DAB1: variants seen among roughly 807,000 people sequenced by gnomAD.
The protein encoded by DAB1 is disabled homolog 1.
DAB1 carries 15 observed loss-of-function variants against 64.6 expected under a neutral mutation model. The ratio of observed to expected loss-of-function variants is 0.23; its 90% CI spans 0.16 to 0.36. The LOEUF (loss-of-function observed/expected upper bound fraction) is 0.36, where lower values mean the gene tolerates loss of function less well. Among genes scored for constraint, DAB1 ranks in the 10% least tolerant of loss-of-function variants. The pLI is 1.00. For synonymous variants in DAB1, 235 were observed against 251.9 expected (o/e 0.93, Z 0.64); for missense variants, 596 against 706.7 (o/e 0.84, Z 1.78).
chr1:57,996,029 C>T (rs567541146), intron 5 of DAB1, among the ~76,000 whole-genome samples: 1 of 152,204 alleles, frequency 6.6e-6, no homozygotes, highest in Non-Finnish European at 1.5e-5. Context: ...AAGACCGAGG[C>T]GGGCGGATCA....
intron 1 of DAB1, among the ~76,000 whole-genome samples, chr1:57,835,561 A>C (rs1652773720): frequency 6.6e-6 from 1 of 152,136 alleles, no homozygotes; most frequent in Non-Finnish European, 1.5e-5. Flanking sequence ...TCACCCAGCA[A>C]GTTGTTGGGA....
intron 2 of DAB1, among the ~76,000 whole-genome samples, chr1:57,264,637 T>C (rs956967528): frequency 2.0e-5 from 3 of 152,146 alleles, no homozygotes; most frequent in Non-Finnish European, 4.4e-5. Flanking sequence ...GTTGAACCCC[T>C]AGAGAATGAG....
At chr1:58,477,764 T>C (rs1645433346) in intron 3 of DAB1, among the ~76,000 whole-genome samples, 1 of 152,174 alleles carries the variant, frequency 6.6e-6, no homozygotes, top group African/African-American at 2.4e-5. Flanking sequence ...CATGATCCCC[T>C]GGATTAAACT....
At chr1:57,030,545 A>G (rs969902707) in intron 9 of DAB1, among the ~76,000 whole-genome samples, 1 of 152,214 alleles carries the variant, frequency 6.6e-6, no homozygotes, top group African/African-American at 2.4e-5. Context: ...TACCAACATG[A>G]AGGTGGGAGA....
At chr1:58,321,564 T>A (rs1301601166) in intron 4 of DAB1, among the ~76,000 whole-genome samples, 2 of 152,230 alleles carry the variant, frequency 1.3e-5, no homozygotes, top group Non-Finnish European at 2.9e-5. Context: ...GCCCAAATAC[T>A]GTGCTTTTCC....
intron 6 of DAB1, among the ~76,000 whole-genome samples, chr1:57,679,761 T>C (rs912646696): frequency 4.6e-5 from 7 of 152,190 alleles, no homozygotes; most frequent in African/African-American, 1.4e-4. Flanking sequence ...CCTTTGGGAA[T>C]AGCAACAGGA....
At chr1:57,308,882 G>C (rs1331555412) in intron 1 of DAB1, among the ~76,000 whole-genome samples, 4 of 151,998 alleles carry the variant, frequency 2.6e-5, no homozygotes, top group African/African-American at 9.7e-5. Context: ...AAGTCTTTAG[G>C]CTTCTAGTCT....
At chr1:57,606,402 TTA>T (rs1011178865) in intron 7 of DAB1, among the ~76,000 whole-genome samples, 8 of 111,160 alleles carry the variant, frequency 7.2e-5, no homozygotes, top group Admixed American at 1.1e-4. Context: ...ACACATTATA[TTA>T]TATATATGAT....
intron 6 of DAB1, among the ~76,000 whole-genome samples, chr1:57,810,368 G>T (rs1651562803): frequency 1.3e-5 from 2 of 152,138 alleles, no homozygotes; most frequent in African/African-American, 4.8e-5. Context: ...GGGGACACAG[G>T]AGCAATCTTG....
At chr1:57,728,174 T>C (rs1368708288) in intron 6 of DAB1, among the ~76,000 whole-genome samples, 2 of 152,222 alleles carry the variant, frequency 1.3e-5, no homozygotes, top group Non-Finnish European at 2.9e-5. Flanking sequence ...GCAAAGAGAT[T>C]GTATCAGAAG....
At chr1:58,499,740 C>T (rs1017688852) in intron 3 of DAB1, among the ~76,000 whole-genome samples, 1 of 151,634 alleles carries the variant, frequency 6.6e-6, no homozygotes, top group African/African-American at 2.4e-5. Flanking sequence ...GATATTGAAA[C>T]ATCATGCTGG....
At chr1:57,012,353 A>G (rs186599089) in intron 12 of DAB1, among the ~76,000 whole-genome samples, 2 of 152,378 alleles carry the variant, frequency 1.3e-5, no homozygotes, top group East Asian at 3.9e-4. Flanking sequence ...ACACCTTAAT[A>G]TAAATACCTG....
intron 7 of DAB1, among the ~76,000 whole-genome samples, chr1:57,570,539 A>G (rs1645182106): frequency 6.6e-6 from 1 of 151,916 alleles, no homozygotes; most frequent in Admixed American, 6.6e-5. Context: ...CTGTATGCCT[A>G]TTTTTATACC....
At chr1:58,070,393 C>G (rs12072382) in intron 5 of DAB1, among the ~76,000 whole-genome samples, 4,395 of 152,250 alleles carry the variant, frequency 0.029, 195 homozygotes, top group African/African-American at 0.1. Flanking sequence ...GTCATCACAA[C>G]AACCCCATGA....
At chr1:58,326,395 G>A (rs1360420638) in intron 4 of DAB1, among the ~76,000 whole-genome samples, 2 of 152,112 alleles carry the variant, frequency 1.3e-5, no homozygotes, top group African/African-American at 4.8e-5. Context: ...TTATCCTCTC[G>A]GCCAGAGCTC....
At chr1:57,220,717 A>G (rs1375536050) in intron 2 of DAB1, among the ~76,000 whole-genome samples, 1 of 152,212 alleles carries the variant, frequency 6.6e-6, no homozygotes, top group Non-Finnish European at 1.5e-5. Flanking sequence ...ATCTCACACC[A>G]GTTAGAATGG....
In DAB1 at chr1:56,996,420, T is replaced by C. The variant is rs1463105691; in HGVS notation, c.*1724A>G. 1.3e-5 allele frequency: 2 copies of C among 152,172 alleles called. No homozygotes were observed. The highest frequency in any genetic ancestry group is 2.9e-5 in the Non-Finnish European group (2 of 68,022). The allele number at this position is 152,172 out of a possible 1,614,324, so 9.4% of individuals were successfully genotyped here. On this transcript the variant is annotated 3_prime_UTR_variant, in exon 15 of 15. Transcript: ENST00000371236. ...AACAATTCTCTGTAGGGCAAAAATA[T>C]ATAGATTCTTTATGAAAATCATGTG...
At position 58,071,363 on chromosome 1, in the gene DAB1, G is replaced by GGTGTGTGTGTGT. The variant is rs548977353; in HGVS notation, n.387+79136_387+79147dup. Among the ~76,000 whole-genome samples the GGTGTGTGTGTGT allele has an allele frequency of 8.2e-3, 1,114 of 135,756 alleles. 16 individuals carry two copies. Among genetic ancestry groups the GGTGTGTGTGTGT allele is most frequent in the East Asian group, 0.046 (201 of 4,324 alleles). 89.1% of individuals were successfully genotyped at this position (135,756 alleles called of 152,430 possible). ...AACTCTACCTCCATCAAAGGAGAAT[G>GGTGTGTGTGTGT]GTGTGTGTGTGTGTGTGTGTGTGTG... On this transcript the variant is annotated intron_variant and non_coding_transcript_variant, in intron 5 of 20. Transcript: ENST00000485760.
intron 5 of DAB1, among the ~76,000 whole-genome samples, chr1:57,949,459 TTATC>T (rs71051263): frequency 0.3 from 43,323 of 146,142 alleles, 6,401 homozygotes; most frequent in Middle Eastern, 0.34. Context: ...AAGCAATTCT[TTATC>T]TATCTATCTA....
Sources: gnomAD v4.1 joint callset for allele counts (sites outside exome capture counted in the v4.1 genomes callset) on GRCh38, gnomAD v4.1.1 for gene constraint, MANE v1.5 for transcripts, NCBI Gene and HGNC (gene_info 2026-07-23, HGNC 2026-07-21) for gene names.